Variants in ADGRV1 observed in about 807,000 individuals in gnomAD.
ADGRV1 encodes G-protein coupled receptor 98.
ADGRV1 carries 359 observed loss-of-function variants against 596.2 expected under a neutral mutation model. The observed-to-expected ratio is 0.60, with a 90% CI of 0.55 to 0.66. The LOEUF (loss-of-function observed/expected upper bound fraction) is 0.66, where lower values mean the gene tolerates loss of function less well. Among genes scored for constraint, ADGRV1 ranks in the 30% least tolerant of loss-of-function variants. ADGRV1 has a pLI of 0.00. For missense variants in ADGRV1, 7,274 were observed against 7,575.6 expected (o/e 0.96, Z 1.48); for synonymous variants, 2,681 against 2,679.2 (o/e 1.00, Z -0.02).
At chr5:91,117,632 T>G (rs1489835862) in intron 87 of ADGRV1, among the ~76,000 whole-genome samples, 1 of 152,192 alleles carries the variant, frequency 6.6e-6, no homozygotes, top group East Asian at 1.9e-4. Context: ...TTTTGTATTA[T>G]ATTGGAAACC....
intron 87 of ADGRV1, among the ~76,000 whole-genome samples, chr5:91,130,758 G>A (rs1173915202): frequency 2.6e-5 from 4 of 152,148 alleles, no homozygotes; most frequent in African/African-American, 7.2e-5. Context: ...CCTATAAGTA[G>A]TTTTTCAACT....
At position 90,599,803 on chromosome 5, in the gene ADGRV1, C is replaced by T. The variant is rs561127212; in HGVS notation, c.23-15032C>T. On this transcript the variant is annotated intron_variant, in intron 1 of 89. Transcript: ENST00000405460. ...CTGTAAAGTCATTGGCTTCAAACTTCCTGGGATGGAAATGTTTGTAATCCA... is the reference window on the plus strand; with the variant it reads ...CTGTAAAGTCATTGGCTTCAAACTTTCTGGGATGGAAATGTTTGTAATCCA... Among the ~76,000 whole-genome samples, 3 of 152,152 alleles carry T rather than the reference C, an allele frequency of 2.0e-5. No homozygotes were observed. In the East Asian group the frequency reaches 5.8e-4, roughly 29 times the overall value.
At chr5:91,002,924 C>G (rs1216661104) in intron 85 of ADGRV1, among the ~76,000 whole-genome samples, 1 of 152,150 alleles carries the variant, frequency 6.6e-6, no homozygotes, top group Non-Finnish European at 1.5e-5. Context: ...CCTACTGTTA[C>G]CTACATAGCC....
intron 1 of ADGRV1, among the ~76,000 whole-genome samples, chr5:90,561,335 A>G (rs1305584943): frequency 6.6e-6 from 1 of 152,170 alleles, no homozygotes; most frequent in Non-Finnish European, 1.5e-5. Context: ...TATTTGAGGT[A>G]AAAGAGACCT....
chr5:91,139,875 A>C (rs182573364), intron 87 of ADGRV1, among the ~76,000 whole-genome samples: 5 of 152,198 alleles, frequency 3.3e-5, no homozygotes, highest in Admixed American at 6.5e-5. Context: ...AATGTGGACC[A>C]CCTCATTCTC....
intron 21 of ADGRV1, among the ~76,000 whole-genome samples, chr5:90,663,038 T>C (rs1278462452): frequency 4.7e-5 from 7 of 148,762 alleles, no homozygotes; most frequent in Non-Finnish European, 7.4e-5. Context: ...TGGTTCCAAG[T>C]CTTTGCTATT....
At chr5:90,816,880 A>G (rs1371099155) in intron 75 of ADGRV1, among the ~76,000 whole-genome samples, 1 of 152,074 alleles carries the variant, frequency 6.6e-6, no homozygotes, top group African/African-American at 2.4e-5. Context: ...ATACGTGTGC[A>G]TGTGTCTTTA....
chr5:90,744,267 C>G (rs1754353659), intron 50 of ADGRV1, among the ~76,000 whole-genome samples: 1 of 152,170 alleles, frequency 6.6e-6, no homozygotes, highest in Non-Finnish European at 1.5e-5. Flanking sequence ...CAGATGTGAG[C>G]CACTGCACCC....
intron 11 of ADGRV1, 47 bp from the exon 12 acceptor site, chr5:90,642,589 G>C: frequency 6.3e-7 from 1 of 1,596,584 alleles, no homozygotes. Flanking sequence ...AAATTCAGAA[G>C]TAAAACTGGA....
chr5:91,101,932 A>G (rs1357443627), intron 86 of ADGRV1, among the ~76,000 whole-genome samples: 1 of 152,178 alleles, frequency 6.6e-6, no homozygotes, highest in Admixed American at 6.5e-5. Context: ...CTACAAATCC[A>G]TTGTTGCTTT....
intron 2 of ADGRV1, chr5:90,617,547 A>G (rs1763525536): frequency 3.7e-6 from 1 of 273,808 alleles, no homozygotes; most frequent in Non-Finnish European, 7.0e-6. Flanking sequence ...TGACCTCGTG[A>G]TCCGCCCGTG....
intron 50 of ADGRV1, among the ~76,000 whole-genome samples, chr5:90,734,390 C>T (rs1752946838): frequency 6.6e-6 from 1 of 152,166 alleles, no homozygotes; most frequent in South Asian, 2.1e-4. Context: ...AGTGCATCTG[C>T]AAGCATTTCC....
At chr5:90,985,647 T>C (rs1780430002) in intron 85 of ADGRV1, 125 bp downstream of exon 85, 1 of 631,086 alleles carries the variant, frequency 1.6e-6, no homozygotes, top group South Asian at 2.7e-5. Flanking sequence ...TGTCTGAAGC[T>C]CTGCTTACTC....
chr5:90,921,125 T>C (rs895804618), intron 83 of ADGRV1, among the ~76,000 whole-genome samples: 12 of 152,338 alleles, frequency 7.9e-5, no homozygotes, highest in African/African-American at 2.9e-4. Context: ...TTATCCAAAC[T>C]TGCATGTTTA....
Position 90,627,718 on chromosome 5 carries a change from T to A in ADGRV1, c.1180T>A (p.Ser394Thr), listed in dbSNP as rs753014646. The A allele has an allele frequency of 1.9e-6, 3 of 1,602,424 alleles. No individual in the cohort carries two copies. Among genetic ancestry groups the A allele is most frequent in the South Asian group, 2.3e-5 (2 of 88,656 alleles). The change falls in exon 7 of 90, where the codon TCA becomes ACA. Residue 394 changes from serine to threonine, a missense_variant. Coordinates refer to ENST00000405460, the MANE Select transcript of ADGRV1 (RefSeq NM_032119.4). ...AAATGATAAACCTTATGGAGTCCTTTCATTCAACAGTGTTTTGTTTGAAAG... is the reference window on the plus strand; with the variant it reads ...AAATGATAAACCTTATGGAGTCCTTACATTCAACAGTGTTTTGTTTGAAAG... ...KPNDKPYGVL[S>T]FNSVLFERTV...
At chr5:90,663,639 G>A (rs1770778861) in intron 21 of ADGRV1, among the ~76,000 whole-genome samples, 1 of 152,176 alleles carries the variant, frequency 6.6e-6, no homozygotes, top group Non-Finnish European at 1.5e-5. Flanking sequence ...TGTCAATTTT[G>A]TCTTTTGTTG....
chr5:90,947,937 C>A (rs1776734979), intron 83 of ADGRV1, among the ~76,000 whole-genome samples: 1 of 152,084 alleles, frequency 6.6e-6, no homozygotes, highest in Non-Finnish European at 1.5e-5. Context: ...GTGACACACA[C>A]ACTCACATGT....
intron 77 of ADGRV1, among the ~76,000 whole-genome samples, chr5:90,831,227 C>CTA (rs1481380383): frequency 1.3e-5 from 2 of 151,298 alleles, no homozygotes; most frequent in East Asian, 2.0e-4. Context: ...ATCTCTCTCT[C>CTA]TCTCTCTCTA....
chr5:91,093,051 A>G (rs183918424), intron 86 of ADGRV1, among the ~76,000 whole-genome samples: 77 of 152,326 alleles, frequency 5.1e-4, no homozygotes, highest in African/African-American at 1.9e-3. Context: ...GGTATTCAAT[A>G]GGAACATGGA....
Sources: allele counts gnomAD v4.1 joint callset (sites outside exome capture counted in the v4.1 genomes callset), GRCh38; gene constraint gnomAD v4.1.1; transcripts MANE v1.5; gene names NCBI Gene and HGNC (gene_info 2026-07-23, HGNC 2026-07-21).